Variants in NBEA observed in about 807,000 individuals in gnomAD.
NBEA encodes lysosomal-trafficking regulator 2.
In NBEA, 44 loss-of-function variants were observed where a neutral mutation model predicts 343.4. That is an observed-to-expected ratio of 0.13 (90% CI 0.10 to 0.16). The LOEUF (loss-of-function observed/expected upper bound fraction) is 0.16, where lower values mean the gene tolerates loss of function less well. Among genes scored for constraint, NBEA ranks in the 10% least tolerant of loss-of-function variants. The pLI is 1.00. For synonymous variants in NBEA, 1,175 were observed against 1,238.7 expected, an observed-to-expected ratio of 0.95 and a Z score of 1.08; for missense variants, 2,555 against 3,631.3, an observed-to-expected ratio of 0.70 and a Z score of 7.62.
chr13:35,428,135 A>C (rs1156925117), intron 38 of NBEA, among the ~76,000 whole-genome samples: 2 of 152,054 alleles, frequency 1.3e-5, no homozygotes, highest in Non-Finnish European at 2.9e-5. Context: ...CGCTGCACCC[A>C]CTGTCCTGCA....
At chr13:35,546,878 T>G (rs1243682694) in intron 41 of NBEA, among the ~76,000 whole-genome samples, 1 of 152,132 alleles carries the variant, frequency 6.6e-6, no homozygotes, top group Non-Finnish European at 1.5e-5. Flanking sequence ...TAAAAATGTA[T>G]TATGGAATGA....
In NBEA at chr13:35,073,769, G is replaced by A. The variant is rs1159478810; in HGVS notation, c.1571+2917G>A. Among the ~76,000 whole-genome samples the A allele has an allele frequency of 5.3e-5, 8 of 151,922 alleles. No individual in the cohort carries two copies. In the East Asian group the frequency reaches 5.8e-4, roughly 11 times the overall value. The stretch of plus-strand genomic sequence containing the variant: ...AGCCTGGACAACATGACAAAACCTC[G>A]TTTCTACAAAAAAATAGAAGAAGTT... On this transcript the variant is annotated intron_variant, in intron 10 of 58. Coordinates refer to ENST00000379939, the MANE Select transcript of NBEA (RefSeq NM_001385012.1).
chr13:35,484,234 ATG>A (rs397851790), intron 41 of NBEA, among the ~76,000 whole-genome samples: 49,857 of 123,866 alleles, frequency 0.4, 10,929 homozygotes, highest in Non-Finnish European at 0.5. Flanking sequence ...CTACATTAAT[ATG>A]TGTGTGTGTG....
At chr13:35,335,088 C>T (rs2039169207) in intron 36 of NBEA, among the ~76,000 whole-genome samples, 1 of 152,018 alleles carries the variant, frequency 6.6e-6, no homozygotes, top group African/African-American at 2.4e-5. Flanking sequence ...TCCAGTTTTC[C>T]CCACACCATT....
chr13:35,610,945 T>C (rs1316452114), intron 48 of NBEA, among the ~76,000 whole-genome samples: 1 of 151,764 alleles, frequency 6.6e-6, no homozygotes, highest in Non-Finnish European at 1.5e-5. Context: ...CATGAAAAGA[T>C]GCCTCATATC....
intron 39 of NBEA, among the ~76,000 whole-genome samples, chr13:35,437,879 A>G (rs1290953777): frequency 6.6e-6 from 1 of 152,170 alleles, no homozygotes; most frequent in Non-Finnish European, 1.5e-5. Flanking sequence ...ATTCTGGTGC[A>G]TTTCTAGCAT....
intron 1 of NBEA, among the ~76,000 whole-genome samples, chr13:35,007,552 C>T (rs752720845): frequency 6.6e-6 from 1 of 152,118 alleles, no homozygotes; most frequent in Admixed American, 6.5e-5. Context: ...AGTGCAGTGG[C>T]GTGATCTCAC....
chr13:35,654,723 TTAA>T (rs1304592266), intron 53 of NBEA, 129 bp from the exon 54 acceptor site: 9 of 635,006 alleles, frequency 1.4e-5, no homozygotes, highest in Non-Finnish European at 2.3e-5. Flanking sequence ...AGGGAGAATC[TTAA>T]TAATCTCATA....
At chr13:35,516,583 C>T (rs972672321) in intron 41 of NBEA, among the ~76,000 whole-genome samples, 5 of 152,120 alleles carry the variant, frequency 3.3e-5, no homozygotes, top group South Asian at 4.1e-4. Context: ...TCTTCAGATA[C>T]CTCATCCAAT....
At chr13:34,982,023 G>T (rs1166310968) in intron 1 of NBEA, among the ~76,000 whole-genome samples, 1 of 151,600 alleles carries the variant, frequency 6.6e-6, no homozygotes, top group Non-Finnish European at 1.5e-5. Context: ...TAATTTCAAA[G>T]AAAGAAATTT....
Position 35,551,001 on chromosome 13 carries a change from G to A in NBEA, c.6775G>A (p.Val2259Ile), listed in dbSNP as rs1490022751. The A allele has an allele frequency of 1.2e-6, 2 of 1,607,826 alleles. No individual in the cohort carries two copies. Among genetic ancestry groups the A allele is most frequent in the African/African-American group, 2.7e-5 (2 of 74,772 alleles). Residue 2259 changes from valine to isoleucine, a missense_variant, in exon 43 of 59, where the codon GTA (valine) becomes ATA (isoleucine). Coordinates refer to ENST00000379939, the MANE Select transcript of NBEA (RefSeq NM_001385012.1). ...TGTCTATAGCTTGCCTCGGGTTGGA[G>A]TAGGGACCAGCTATGGTCTGCCACA... is the stretch of plus-strand genomic sequence containing the variant. Reference protein sequence around the residue: ...KVVYSLPRVGVGTSYGLPQAR... With the variant: ...KVVYSLPRVGIGTSYGLPQAR...
At chr13:35,275,413 A>C (rs7988951) in intron 34 of NBEA, among the ~76,000 whole-genome samples, 146,558 of 152,212 alleles carry the variant, frequency 0.96, 70,812 homozygotes, top group East Asian at 1. Flanking sequence ...GGAAGAAAAC[A>C]TAGGCAATAC....
chr13:35,615,129 C>CAAAAAAAAAAAAA (rs34475826), intron 48 of NBEA, among the ~76,000 whole-genome samples: 14 of 110,968 alleles, frequency 1.3e-4, no homozygotes, highest in Admixed American at 1.9e-4. Flanking sequence ...ACTAAAAATA[C>CAAAAAAAAAAAAA]AAAAAAAAAA....
intron 17 of NBEA, among the ~76,000 whole-genome samples, chr13:35,130,741 T>A (rs917064209): frequency 4.5e-4 from 69 of 151,964 alleles, no homozygotes; most frequent in African/African-American, 1.5e-3. Flanking sequence ...ATAGAAATTA[T>A]TTAAATGAGA....
chr13:35,524,274 A>G (rs2077862474), intron 41 of NBEA, among the ~76,000 whole-genome samples: 1 of 152,242 alleles, frequency 6.6e-6, no homozygotes, highest in Admixed American at 6.5e-5. Context: ...CTTTTCGAGT[A>G]TGTTTCAAAA....
chr13:35,510,221 T>C (rs943981772), intron 41 of NBEA, among the ~76,000 whole-genome samples: 20 of 152,288 alleles, frequency 1.3e-4, no homozygotes, highest in Middle Eastern at 3.4e-3. Flanking sequence ...CCATGGCCTA[T>C]ATTACAAATC....
In NBEA at chr13:35,060,408, G is replaced by A. The variant is rs570942249; in HGVS notation, c.1239+1545G>A. ...GTCTTTCTTGTCATTCTTTTTAACAGCAGTGATAATGAGCAGTAACCCTGT... is the reference window on the plus strand; with the variant it reads ...GTCTTTCTTGTCATTCTTTTTAACAACAGTGATAATGAGCAGTAACCCTGT... On this transcript the variant is annotated intron_variant, in intron 8 of 58. Coordinates refer to ENST00000379939, the MANE Select transcript of NBEA (RefSeq NM_001385012.1). Among the ~76,000 whole-genome samples, 14 of 151,770 alleles carry A rather than the reference G, an allele frequency of 9.2e-5. No homozygotes were observed. The East Asian group carries it at 2.7e-3, about 29-fold the overall frequency.
intron 41 of NBEA, among the ~76,000 whole-genome samples, chr13:35,521,305 G>A (rs929442809): frequency 6.6e-5 from 10 of 152,106 alleles, no homozygotes; most frequent in African/African-American, 1.7e-4. Flanking sequence ...GGCAAAATGC[G>A]ATAGGCTTTA....
intron 36 of NBEA, among the ~76,000 whole-genome samples, chr13:35,331,652 C>T (rs936367995): frequency 3.9e-5 from 6 of 152,040 alleles, no homozygotes; most frequent in Non-Finnish European, 8.8e-5. Flanking sequence ...TGCATAAAGT[C>T]AGTTACTTCC....
Sources: gnomAD v4.1 joint callset for allele counts (sites outside exome capture counted in the v4.1 genomes callset) on GRCh38, gnomAD v4.1.1 for gene constraint, MANE v1.5 for transcripts, NCBI Gene and HGNC (gene_info 2026-07-23, HGNC 2026-07-21) for gene names.